ERCC6L2: variants seen among roughly 807,000 people sequenced by gnomAD.
ERCC6L2 encodes ERCC excision repair 6 like 2, also known as DNA excision repair protein ERCC-6-like 2.
A neutral mutation model predicts 132.0 loss-of-function variants in ERCC6L2; 77 were observed. That is an observed-to-expected ratio of 0.58 (90% CI 0.49 to 0.71). ERCC6L2 has a LOEUF of 0.71. ERCC6L2 is among the 30% of genes least tolerant of loss of function. The pLI is 0.00. For missense variants in ERCC6L2, 1,542 were observed against 1,837.6 expected (o/e 0.84, Z 2.94); for synonymous variants, 583 against 632.4 (o/e 0.92, Z 1.17).
intron 12 of ERCC6L2, among the ~76,000 whole-genome samples, chr9:95,948,647 C>CT (rs970257027): frequency 6.6e-6 from 1 of 152,006 alleles, no homozygotes; most frequent in Non-Finnish European, 1.5e-5. Flanking sequence ...CCTGAGAAGA[C>CT]TTTTAGCCTT....
At chr9:95,887,902 A>C (rs1827959150) in intron 2 of ERCC6L2, among the ~76,000 whole-genome samples, 1 of 152,172 alleles carries the variant, frequency 6.6e-6, no homozygotes, top group Non-Finnish European at 1.5e-5. Context: ...CCAGTGTGGA[A>C]GGTTAATTAG....
chr9:95,905,516 A>G (rs936249331), intron 3 of ERCC6L2, among the ~76,000 whole-genome samples: 2 of 152,214 alleles, frequency 1.3e-5, no homozygotes, highest in African/African-American at 4.8e-5. Context: ...TAGCATTGTC[A>G]TCTCGTAATA....
At chr9:95,981,648 C>T (rs911514053) in intron 17 of ERCC6L2, among the ~76,000 whole-genome samples, 15 of 152,022 alleles carry the variant, frequency 9.9e-5, no homozygotes, top group Non-Finnish European at 1.8e-4. Flanking sequence ...TAAGCTCAGG[C>T]GAAAAAGAAG....
chr9:95,991,898 GT>G (rs1316932418), intron 17 of ERCC6L2, among the ~76,000 whole-genome samples: 1 of 152,076 alleles, frequency 6.6e-6, no homozygotes, highest in East Asian at 1.9e-4. Context: ...TTACTGAAAG[GT>G]TTCAGATTTT....
chr9:96,000,606 T>C (rs758121045), intron 17 of ERCC6L2, among the ~76,000 whole-genome samples: 14 of 152,168 alleles, frequency 9.2e-5, no homozygotes, highest in Non-Finnish European at 1.9e-4. Context: ...CCCACATTCA[T>C]TGAATGTATC....
chr9:95,897,171 A>G (rs1475942052), intron 2 of ERCC6L2, among the ~76,000 whole-genome samples: 2 of 152,050 alleles, frequency 1.3e-5, no homozygotes, highest in East Asian at 1.9e-4. Flanking sequence ...ATTTTTTGCC[A>G]TTTTTACAGA....
chr9:96,010,877 C>T (rs181305586), intron 18 of ERCC6L2, among the ~76,000 whole-genome samples: 2 of 152,216 alleles, frequency 1.3e-5, no homozygotes, highest in Non-Finnish European at 1.5e-5. Context: ...TAGCACATAA[C>T]AGGCTCTATA....
At chr9:95,878,753 G>A (rs761253902) in intron 1 of ERCC6L2, among the ~76,000 whole-genome samples, 1 of 150,672 alleles carries the variant, frequency 6.6e-6, no homozygotes, top group Admixed American at 6.6e-5. Flanking sequence ...GAGAATCTGC[G>A]GTGTTTGGTT....
intron 2 of ERCC6L2, among the ~76,000 whole-genome samples, chr9:95,889,908 A>G (rs1027190455): frequency 6.6e-5 from 10 of 152,200 alleles, no homozygotes; most frequent in South Asian, 6.2e-4. Context: ...AAATTGTCCA[A>G]TGCCTAAACT....
In ERCC6L2 at chr9:96,014,211, G is replaced by A. The variant is rs191920151; in HGVS notation, c.*1008G>A. Reference sequence around the variant, plus strand: ...TGTGCATGCTGTAGGCAGGACCTGAGCTGCCTCCGCTGCAGGTTCAGATGC... The same window carrying A: ...TGTGCATGCTGTAGGCAGGACCTGAACTGCCTCCGCTGCAGGTTCAGATGC... On this transcript the variant is annotated 3_prime_UTR_variant, in exon 19 of 19. Transcript: ENST00000653738. 1.3e-5 allele frequency: 2 copies of A among 152,326 alleles called. No homozygotes were observed. The highest frequency in any genetic ancestry group is 1.9e-4 in the East Asian group (1 of 5,174). The allele number at this position is 152,326 out of a possible 1,614,324, so 9.4% of individuals were successfully genotyped here. A position where few individuals can be genotyped will look rare whatever the true frequency, so the allele number is the denominator to read the frequency against.
intron 19 of ERCC6L2, among the ~76,000 whole-genome samples, chr9:96,031,841 GCCCT>G (rs1381907081): frequency 4.6e-5 from 7 of 152,202 alleles, no homozygotes; most frequent in Non-Finnish European, 1.0e-4. Context: ...TGGTCTGGAA[GCCCT>G]CCTGCTTGCT....
Position 95,891,879 on chromosome 9 carries a change from T to C in ERCC6L2, c.472-5970T>C, listed in dbSNP as rs183766281. Among the ~76,000 whole-genome samples the C allele has an allele frequency of 4.0e-3, 607 of 152,310 alleles. 1 individual carries two copies. The highest frequency in any genetic ancestry group is 7.6e-3 in the Admixed American group (116 of 15,304). ...GAAATATATATTTAAGTCTTTTGCCTGTTTTTTAATTTCATTGTCTTTATT... is the reference window on the plus strand; with the variant it reads ...GAAATATATATTTAAGTCTTTTGCCCGTTTTTTAATTTCATTGTCTTTATT... On this transcript the variant is annotated intron_variant, in intron 2 of 18. Coordinates refer to ENST00000653738, the MANE Select transcript of ERCC6L2 (RefSeq NM_020207.7).
At chr9:96,032,325 C>A (rs1270315282) in intron 19 of ERCC6L2, among the ~76,000 whole-genome samples, 1 of 152,250 alleles carries the variant, frequency 6.6e-6, no homozygotes, top group Non-Finnish European at 1.5e-5. Context: ...CAGGCAGAAT[C>A]AGCTCTACAA....
chr9:96,020,539 T>A (rs2133248078), downstream of ERCC6L2: 1 of 351,182 alleles, frequency 2.8e-6, no homozygotes, highest in East Asian at 7.6e-5. Flanking sequence ...CAAAGACCCC[T>A]TAGGGCACAG....
intron 18 of ERCC6L2, among the ~76,000 whole-genome samples, chr9:96,009,566 A>G (rs1416737353): frequency 6.6e-6 from 1 of 152,206 alleles, no homozygotes; most frequent in Non-Finnish European, 1.5e-5. Context: ...TTGCTGAAAG[A>G]TACATATCTT....
chr9:96,005,205 C>T (rs1422738697), intron 18 of ERCC6L2, among the ~76,000 whole-genome samples: 1 of 151,970 alleles, frequency 6.6e-6, no homozygotes, highest in Non-Finnish European at 1.5e-5. Flanking sequence ...CCCAGCTACT[C>T]AGGAGGCTGA....
At position 95,970,593 on chromosome 9, in the gene ERCC6L2, A is replaced by C; in HGVS notation, c.2118A>C (p.Glu706Asp). The change falls in exon 15 of 19, where the codon GAA becomes GAC. Residue 706 changes from glutamate to aspartate, a missense_variant. Around this residue, in one of 4 missense-constraint regions of ERCC6L2, gnomAD observed 945 missense variants for 1,105.2 expected, o/e 0.86. Coordinates refer to ENST00000653738, the MANE Select transcript of ERCC6L2 (RefSeq NM_020207.7). ...CATTATAGAGAGAAGGCCAAGTAGA[A>C]GCAGGGATCATGACAGCCACAACAT... ...KDILEREGQV[E>D]AGIMTATTWL... is the part of the protein sequence containing the mutation. 7.7e-7 allele frequency: 1 copy of C among 1,303,784 alleles called. No individual in the cohort carries two copies. Among genetic ancestry groups the C allele is most frequent in the Non-Finnish European group, 1.0e-6 (1 of 988,668 alleles). The allele number at this position is 1,303,784 out of a possible 1,614,324, so 80.8% of individuals were successfully genotyped here.
At chr9:95,946,156 C>A (rs142452208) in intron 12 of ERCC6L2, among the ~76,000 whole-genome samples, 1 of 152,248 alleles carries the variant, frequency 6.6e-6, no homozygotes, top group African/African-American at 2.4e-5. Flanking sequence ...CACTACATAA[C>A]AAAGCCAAAA....
chr9:96,007,166 A>G (rs944326235), intron 18 of ERCC6L2, among the ~76,000 whole-genome samples: 24 of 152,268 alleles, frequency 1.6e-4, no homozygotes, highest in African/African-American at 5.3e-4. Context: ...GGTTACCAGC[A>G]TATCCCCCAG....
Sources: gnomAD v4.1 joint callset for allele counts (sites outside exome capture counted in the v4.1 genomes callset) on GRCh38, gnomAD v4.1.1 for gene constraint, gnomAD v4.1.1 regional missense constraint, MANE v1.5 for transcripts, NCBI Gene and HGNC (gene_info 2026-07-23, HGNC 2026-07-21) for gene names.